Variants in EBNA1BP2 observed in about 807,000 individuals in gnomAD.
EBNA1BP2 encodes EBNA1 binding protein 2, also known as probable rRNA-processing protein EBP2.
In EBNA1BP2, 36 loss-of-function variants were observed where a neutral mutation model predicts 43.5. The ratio of observed to expected loss-of-function variants is 0.83; its 90% CI spans 0.63 to 1.09. The LOEUF is 1.09. EBNA1BP2 is among the 50% of genes least tolerant of loss of function. The pLI, the probability that EBNA1BP2 is intolerant of heterozygous loss-of-function variation, is 0.00. For missense variants in EBNA1BP2, 332 were observed against 379.1 expected (o/e 0.88, Z 1.03); for synonymous variants, 127 against 141.3 (o/e 0.90, Z 0.72).
Position 43,164,689 on chromosome 1 carries a change from G to T in EBNA1BP2, c.824C>A (p.Thr275Lys). Residue 275 changes from threonine (T) to lysine (K), a missense_variant, in exon 8 of 9, where the codon ACA (threonine) becomes AAA (lysine). Thr to Lys is a moderately conservative substitution (Grantham distance 78). Transcript: ENST00000236051. ...CCTCTTGAGGCCTCTGCCATGAGCTGTCTTGGCCCGGAAGCTAGATACATC... is the reference window on the plus strand; with the variant it reads ...CCTCTTGAGGCCTCTGCCATGAGCTTTCTTGGCCCGGAAGCTAGATACATC... ...YDDVSSFRAKTAHGRGLKRPG... is the reference protein window; with the variant it reads ...YDDVSSFRAKKAHGRGLKRPG... 1 of 1,614,250 alleles carries T rather than the reference G, an allele frequency of 6.2e-7. No homozygotes were observed. The highest frequency in any genetic ancestry group is 8.5e-7 in the Non-Finnish European group (1 of 1,180,044).
At chr1:43,170,627 T>G (rs796427113) in intron 4 of EBNA1BP2, 129 bp downstream of exon 4, 2 of 1,344,016 alleles carry the variant, frequency 1.5e-6, no homozygotes, top group East Asian at 2.8e-5. Flanking sequence ...AGCCAATCTA[T>G]GGAAGAGGTA....
chr1:43,164,299 A>C lies in EBNA1BP2; in HGVS notation c.*144T>G, dbSNP rs1644903212. 3.3e-6 allele frequency: 3 copies of C among 899,602 alleles called. No homozygotes were observed. The highest frequency in any genetic ancestry group is 5.1e-6 in the Non-Finnish European group (3 of 586,518). The allele number at this position is 899,602 out of a possible 1,614,324, so 55.7% of individuals were successfully genotyped here. ...TCTTTTAGTCTAGACTATTTAACCA[A>C]AGGTATGTGTTCCTTTAATAATTTT... On this transcript the variant is annotated 3_prime_UTR_variant, in exon 9 of 9. Transcript: ENST00000236051.
chr1:43,168,877 A>T (rs550151257), intron 5 of EBNA1BP2, 62 bp downstream of exon 5: 1 of 1,547,938 alleles, frequency 6.5e-7, no homozygotes, highest in African/African-American at 1.4e-5. Flanking sequence ...AAGTCAGACC[A>T]CGGCAATCTC....
At chr1:43,172,397 C>G, upstream of EBNA1BP2, 1 of 1,551,436 alleles carries the variant, frequency 6.4e-7, no homozygotes, top group Non-Finnish European at 8.7e-7. Context: ...CTTAGGATCC[C>G]TACAGGTAGC....
intron 7 of EBNA1BP2, among the ~76,000 whole-genome samples, chr1:43,166,184 G>A (rs573638022): frequency 6.6e-6 from 1 of 152,310 alleles, no homozygotes; most frequent in South Asian, 2.1e-4. Context: ...ATGGTAACTC[G>A]TTCAAAACTG....
At chr1:43,171,378 A>C (rs1353849266) in intron 3 of EBNA1BP2, 101 bp downstream of exon 3, 4 of 1,421,684 alleles carry the variant, frequency 2.8e-6, no homozygotes, top group Non-Finnish European at 3.8e-6. Context: ...CGCTCTCTCT[A>C]CTCCTAGGCT....
chr1:43,171,097 G>C (rs747452112), intron 3 of EBNA1BP2: 1 of 595,778 alleles, frequency 1.7e-6, no homozygotes, highest in Non-Finnish European at 2.6e-6. Flanking sequence ...GCTAAAAATA[G>C]TTTAAGAGAA....
upstream of EBNA1BP2, chr1:43,172,399 A>T: frequency 6.4e-7 from 1 of 1,551,390 alleles, no homozygotes; most frequent in Non-Finnish European, 8.7e-7. Flanking sequence ...TAGGATCCCT[A>T]CAGGTAGCGC....
chr1:43,171,596 C>T lies in EBNA1BP2; in HGVS notation c.206G>A (p.Arg69Lys), dbSNP rs1284703879. 2 of 1,614,222 alleles carry T rather than the reference C, an allele frequency of 1.2e-6. No individual in the cohort carries two copies. Residue 69 changes from arginine to lysine, a missense_variant, in exon 3 of 9, where the codon AGG (arginine) becomes AAG (lysine). Transcript: ENST00000236051. ...EFKRDLEWVE[R>K]LDVTLGPVPE... is the part of the protein sequence containing the mutation. ...TACCGGACCCAGTGTCACATCGAGCCTTTCAACCCATTCCAGATCCCGCTT... is the reference window on the plus strand; with the variant it reads ...TACCGGACCCAGTGTCACATCGAGCTTTTCAACCCATTCCAGATCCCGCTT...
rs1644957593 is a variant in EBNA1BP2, at chr1:43,170,867, G to C, written c.336C>G (p.Ala112=). 1.3e-6 allele frequency: 2 copies of C among 1,578,770 alleles called. No homozygotes were observed. The highest frequency in any genetic ancestry group is 1.7e-6 in the Non-Finnish European group (2 of 1,167,234). ...GTAAGACTGCAAGCACTGCGGCCTG[G>C]GCTTGGCGATAGCTGAGAATCGTAG... ...FQREMSFYRQ[A]QAAVLAVLPR... The change falls in exon 4 of 9, where the codon GCC becomes GCG. Residue 112 remains alanine (A), a synonymous_variant. Coordinates refer to ENST00000236051, the MANE Select transcript of EBNA1BP2 (RefSeq NM_006824.3).
chr1:43,165,611 A>G (rs570600927), intron 7 of EBNA1BP2, among the ~76,000 whole-genome samples: 1 of 152,338 alleles, frequency 6.6e-6, no homozygotes, highest in East Asian at 1.9e-4. Flanking sequence ...TTTTAAAAAC[A>G]TGAATATAAC....
intron 4 of EBNA1BP2, among the ~76,000 whole-genome samples, chr1:43,169,629 C>T (rs1402308802): frequency 6.6e-6 from 1 of 152,166 alleles, no homozygotes; most frequent in Non-Finnish European, 1.5e-5. Context: ...TCAAAATCCA[C>T]AGATGCTCAA....
rs1644970110 is a variant in EBNA1BP2, at chr1:43,171,485, ATC to A, written c.315_316del (p.Glu105AspfsTer30). On this transcript the variant is annotated frameshift_variant, in exon 3 of 9. Transcript: ENST00000236051. LOFTEE classifies it high-confidence loss of function. ...CATTTGAAAACAAACATACAAACTCATCTCTCGCTGGAAGTCGTCTTCTGGAT... is the reference window on the plus strand; with the variant it reads ...CATTTGAAAACAAACATACAAACTCATCTCGCTGGAAGTCGTCTTCTGGAT... 1 of 1,608,392 alleles carries A rather than the reference ATC, an allele frequency of 6.2e-7. No homozygotes were observed. The highest frequency in any genetic ancestry group is 8.5e-7 in the Non-Finnish European group (1 of 1,177,840).
At chr1:43,172,514 A>G (rs1782383), upstream of EBNA1BP2, 350,637 of 1,414,544 alleles carry the variant, frequency 0.25, 44,196 homozygotes, top group Middle Eastern at 0.3. Flanking sequence ...TACAAAGGAA[A>G]AGGCAGAAAA....
At chr1:43,165,375 T>C (rs1644911273) in intron 7 of EBNA1BP2, among the ~76,000 whole-genome samples, 1 of 152,174 alleles carries the variant, frequency 6.6e-6, no homozygotes, top group South Asian at 2.1e-4. Context: ...ACATATGCCC[T>C]CACTTGAGGC....
intron 7 of EBNA1BP2, among the ~76,000 whole-genome samples, chr1:43,165,484 T>C (rs913169639): frequency 3.3e-5 from 5 of 152,208 alleles, no homozygotes; most frequent in Non-Finnish European, 7.3e-5. Flanking sequence ...TACTGAGTCC[T>C]GCTCATTTCA....
At chr1:43,170,951 T>G (rs779161446) in intron 3 of EBNA1BP2, 72 bp from the exon 4 acceptor site, 1 of 1,464,820 alleles carries the variant, frequency 6.8e-7, no homozygotes, top group Non-Finnish European at 9.0e-7. Flanking sequence ...CCGCCAATCA[T>G]GAGTTATCCA....
Position 43,172,275 on chromosome 1 carries a change from C to A in EBNA1BP2, c.-157G>T. 1.3e-6 allele frequency: 2 copies of A among 1,552,814 alleles called. No homozygotes were observed. Among genetic ancestry groups the A allele is most frequent in the South Asian group, 2.4e-5 (2 of 84,448 alleles). On this transcript the variant is annotated 5_prime_UTR_variant, in exon 1 of 9. Transcript: ENST00000236051. Reference sequence around the variant, plus strand: ...CACCGAATCGCTCCAGCGCCAGCAACTCACAGCTACTGCTCAACTTTTGAT... The same window carrying A: ...CACCGAATCGCTCCAGCGCCAGCAAATCACAGCTACTGCTCAACTTTTGAT...
At chr1:43,168,121 G>A (rs1034993452) in intron 5 of EBNA1BP2, among the ~76,000 whole-genome samples, 7 of 152,290 alleles carry the variant, frequency 4.6e-5, no homozygotes, top group Admixed American at 1.3e-4. Flanking sequence ...TCCACCTCCA[G>A]ATCAAAGAAA....
Sources: allele counts gnomAD v4.1 joint callset (sites outside exome capture counted in the v4.1 genomes callset), GRCh38; gene constraint gnomAD v4.1.1; transcripts MANE v1.5; gene names NCBI Gene and HGNC (gene_info 2026-07-23, HGNC 2026-07-21).